The following KAT6B variants were observed in gnomAD, a reference collection of about 807,000 sequenced individuals.
The protein encoded by KAT6B is histone acetyltransferase KAT6B.
A neutral mutation model predicts 187.5 loss-of-function variants in KAT6B; 10 were observed. The ratio of observed to expected loss-of-function variants is 0.05; its 90% CI spans 0.03 to 0.09. The LOEUF (loss-of-function observed/expected upper bound fraction) is 0.09. Ranked by LOEUF, KAT6B falls within the 10% of genes least tolerant of loss-of-function variation. The probability of loss-of-function intolerance (pLI) is 1.00; values close to 1 mark genes in which losing one functional copy is unlikely to be tolerated. For missense variants in KAT6B, 1,952 were observed against 2,558.9 expected (o/e 0.76, Z 5.12); for synonymous variants, 861 against 926.8 (o/e 0.93, Z 1.29).
In KAT6B at chr10:74,976,013, A is replaced by C. The variant is rs1564600181; in HGVS notation, c.1676A>C (p.Lys559Thr). ...TATACCACTCAGGGACAGTCTCGCA[A>C]AAAGGGACACCCGAGTTATGCACCA... ...HIYTTQGQSRKKGHPSYAPPK... is the reference protein window; with the variant it reads ...HIYTTQGQSRTKGHPSYAPPK... Residue 559 changes from lysine to threonine, a missense_variant, in exon 8 of 18, where the codon AAA (lysine) becomes ACA (threonine). Coordinates refer to ENST00000287239, the MANE Select transcript of KAT6B (RefSeq NM_012330.4). 4 of 1,614,048 alleles carry C rather than the reference A, an allele frequency of 2.5e-6. No individual in the cohort carries two copies. The highest frequency in any genetic ancestry group is 3.4e-6 in the Non-Finnish European group (4 of 1,180,036).
chr10:74,983,262 A>T (rs1022784053), intron 11 of KAT6B: 2 of 152,516 alleles, frequency 1.3e-5, no homozygotes, highest in Non-Finnish European at 2.9e-5. Flanking sequence ...GCCTCTGCTA[A>T]TTGGATGCCA....
chr10:74,962,555 A>T (rs77492052), intron 4 of KAT6B, among the ~76,000 whole-genome samples: 1 of 152,232 alleles, frequency 6.6e-6, no homozygotes, highest in Non-Finnish European at 1.5e-5. Flanking sequence ...TAAGTTGTTT[A>T]TGTGAAAAAA....
At chr10:75,003,977 T>G (rs1278147024) in intron 13 of KAT6B, among the ~76,000 whole-genome samples, 1 of 152,112 alleles carries the variant, frequency 6.6e-6, no homozygotes, top group African/African-American at 2.4e-5. Context: ...GTCTGCAGTC[T>G]CTCTCATTTT....
At chr10:74,910,298 C>G (rs959982699) in intron 3 of KAT6B, among the ~76,000 whole-genome samples, 1 of 152,074 alleles carries the variant, frequency 6.6e-6, no homozygotes, top group Non-Finnish European at 1.5e-5. Context: ...AACTCCATCT[C>G]AAAAAATAAC....
At chr10:74,828,129 A>G (rs1287063643) in intron 1 of KAT6B, among the ~76,000 whole-genome samples, 1 of 152,192 alleles carries the variant, frequency 6.6e-6, no homozygotes, top group Non-Finnish European at 1.5e-5. Context: ...GGAGATGACC[A>G]GGCAAAGGCA....
chr10:74,980,101 G>A (rs1842414117), intron 10 of KAT6B, among the ~76,000 whole-genome samples: 1 of 152,226 alleles, frequency 6.6e-6, no homozygotes, highest in Admixed American at 6.5e-5. Context: ...GGAGGTTGCA[G>A]TAAGCCGAGA....
chr10:74,908,714 C>T (rs1846975539), intron 3 of KAT6B, among the ~76,000 whole-genome samples: 1 of 152,070 alleles, frequency 6.6e-6, no homozygotes, highest in African/African-American at 2.4e-5. Context: ...AGTATATTCC[C>T]CCTGATTCTC....
intron 1 of KAT6B, among the ~76,000 whole-genome samples, chr10:74,829,879 A>G (rs1171068280): frequency 1.3e-5 from 2 of 151,610 alleles, no homozygotes; most frequent in African/African-American, 4.8e-5. Context: ...TTAGCTGGGC[A>G]TGGTGGCGGG....
intron 3 of KAT6B, among the ~76,000 whole-genome samples, chr10:74,953,196 A>G (rs1457596335): frequency 6.6e-6 from 1 of 152,074 alleles, no homozygotes; most frequent in African/African-American, 2.4e-5. Flanking sequence ...ATTCTTTAAA[A>G]AAATCCTCTA....
chr10:74,858,721 G>A (rs1248722763), intron 3 of KAT6B, among the ~76,000 whole-genome samples: 7 of 152,108 alleles, frequency 4.6e-5, no homozygotes, highest in South Asian at 2.1e-4. Context: ...TTGGGAGGCC[G>A]AGGTGCATGG....
intron 3 of KAT6B, among the ~76,000 whole-genome samples, chr10:74,845,613 G>T (rs2132102203): frequency 1.3e-5 from 2 of 151,064 alleles, no homozygotes; most frequent in Middle Eastern, 6.8e-3. Flanking sequence ...GGGATCAAGT[G>T]TTCCTCCCAA....
At chr10:74,879,279 T>C (rs566701966) in intron 3 of KAT6B, among the ~76,000 whole-genome samples, 51 of 152,192 alleles carry the variant, frequency 3.4e-4, no homozygotes, top group Non-Finnish European at 6.5e-4. Context: ...AGTGGTTTTC[T>C]GGGTTGTAGG....
At chr10:74,980,014 C>G (rs1466579630) in intron 10 of KAT6B, among the ~76,000 whole-genome samples, 1 of 152,136 alleles carries the variant, frequency 6.6e-6, no homozygotes, top group Non-Finnish European at 1.5e-5. Context: ...CAAAAATTAG[C>G]CAGACGTGAT....
intron 13 of KAT6B, among the ~76,000 whole-genome samples, chr10:74,995,040 G>C (rs1310044318): frequency 2.0e-5 from 3 of 152,096 alleles, no homozygotes; most frequent in African/African-American, 7.2e-5. Flanking sequence ...GTTGTATTCT[G>C]TCTTTCCCTC....
At position 75,031,551 on chromosome 10, in the gene KAT6B, G is replaced by A; in HGVS notation, c.*505G>A. ...CATTTTGTAGTACTGTACAAGTGTT[G>A]TGCTAACAGTAAGCCATTTCTTAAG... is the stretch of plus-strand genomic sequence containing the variant. On this transcript the variant is annotated 3_prime_UTR_variant, in exon 18 of 18. Transcript: ENST00000287239. The A allele has an allele frequency of 4.4e-6, 1 of 227,908 alleles. No individual in the cohort carries two copies. Among genetic ancestry groups the A allele is most frequent in the Non-Finnish European group, 8.8e-6 (1 of 114,258 alleles). 14.1% of individuals were successfully genotyped at this position (227,908 alleles called of 1,614,324 possible). A position where few individuals can be genotyped will look rare whatever the true frequency, so the allele number is the denominator to read the frequency against.
intron 13 of KAT6B, among the ~76,000 whole-genome samples, chr10:75,013,389 A>G (rs550108836): frequency 2.8e-4 from 41 of 148,070 alleles, no homozygotes; most frequent in East Asian, 1.1e-3. Flanking sequence ...CTTTAATTCA[A>G]TTGATATCTG....
intron 2 of KAT6B, among the ~76,000 whole-genome samples, chr10:74,840,778 C>G (rs1841689571): frequency 6.6e-6 from 1 of 152,068 alleles, no homozygotes; most frequent in Non-Finnish European, 1.5e-5. Flanking sequence ...TAAATTGCCT[C>G]CTTTAAGGTG....
intron 13 of KAT6B, among the ~76,000 whole-genome samples, chr10:75,010,919 T>G (rs2134055334): frequency 6.6e-6 from 1 of 152,364 alleles, no homozygotes; most frequent in South Asian, 2.1e-4. Context: ...AGGTAAAGCA[T>G]TTTAAGTGCA....
intron 3 of KAT6B, among the ~76,000 whole-genome samples, chr10:74,935,379 C>CT (rs1186477255): frequency 2.7e-4 from 37 of 139,446 alleles, no homozygotes; most frequent in African/African-American, 8.3e-4. Context: ...AACAATATAT[C>CT]TTTTTTTTTC....
Sources: allele counts gnomAD v4.1 joint callset (sites outside exome capture counted in the v4.1 genomes callset), GRCh38; gene constraint gnomAD v4.1.1; transcripts MANE v1.5; gene names NCBI Gene and HGNC (gene_info 2026-07-23, HGNC 2026-07-21).